The following PSG8 variants were observed in gnomAD, a reference collection of about 807,000 sequenced individuals.
The protein encoded by PSG8 is pregnancy-specific beta-1-glycoprotein 8.
Under a neutral mutation model 42.5 loss-of-function variants are expected in PSG8, and 57 were observed. The ratio of observed to expected loss-of-function variants is 1.34; its 90% CI spans 1.08 to 1.67. PSG8 has a LOEUF of 1.67. Ranked by LOEUF, PSG8 falls within the 40% of genes most tolerant of loss-of-function variation. The pLI is 0.00. For synonymous variants in PSG8, 280 were observed against 196.8 expected (o/e 1.42, Z -3.54); for missense variants, 783 against 518.6 (o/e 1.51, Z -4.95).
intron 2 of PSG8, among the ~76,000 whole-genome samples, chr19:42,760,368 A>G (rs1374097573): frequency 3.3e-5 from 5 of 152,186 alleles, no homozygotes; most frequent in South Asian, 4.1e-4. Flanking sequence ...CAGCCTTTGT[A>G]GTTGTCCCAC....
chr19:42,758,472 T>C, intron 2 of PSG8, 192 bp from the exon 3 acceptor site: 1 of 1,231,720 alleles, frequency 8.1e-7, no homozygotes, highest in Non-Finnish European at 1.1e-6. Context: ...GCCTGCTTCA[T>C]GTAGAAACAC....
At chr19:42,753,603 C>A (rs549242246), downstream of PSG8, among the ~76,000 whole-genome samples, 1 of 152,130 alleles carries the variant, frequency 6.6e-6, no homozygotes, top group Non-Finnish European at 1.5e-5. Flanking sequence ...ACCGTGTAGG[C>A]TCTCTTTTAA....
intron 2 of PSG8, chr19:42,758,622 C>T: frequency 2.8e-6 from 1 of 358,298 alleles, no homozygotes; most frequent in Non-Finnish European, 5.1e-6. Flanking sequence ...TCACTTGGAG[C>T]ATGCAGTGCT....
chr19:42,763,577 C>G (rs1443081049), intron 2 of PSG8: 1 of 381,376 alleles, frequency 2.6e-6, no homozygotes, highest in Non-Finnish European at 4.8e-6. Context: ...AGGGGCTCCT[C>G]AGGCCAAGCC....
intron 2 of PSG8, among the ~76,000 whole-genome samples, chr19:42,762,838 G>A (rs1970112110): frequency 6.6e-6 from 1 of 152,086 alleles, no homozygotes; most frequent in African/African-American, 2.4e-5. Context: ...AAGAAGAGAG[G>A]TTTTGAGCCA....
At chr19:42,761,075 GA>G (rs1012119465) in intron 2 of PSG8, among the ~76,000 whole-genome samples, 1 of 152,078 alleles carries the variant, frequency 6.6e-6, no homozygotes, top group Non-Finnish European at 1.5e-5. Flanking sequence ...GGGCTTTGGG[GA>G]CTGCAGGCCT....
rs543391467 is a variant in PSG8 at position 42,755,163 on chromosome 19, G to A, written c.813C>T (p.Tyr271=). The A allele has an allele frequency of 6.1e-5, 99 of 1,611,902 alleles. No homozygotes were observed. The highest frequency in any genetic ancestry group is 8.9e-5 in the East Asian group (4 of 44,882). ...GGCTCTGACCATTTAGCCACCAAAT[G>A]TAGGTGTAGTTCTCACTCTTAGGTT... The part of the protein sequence containing the change: ...TCEPKSENYT[Y]IWWLNGQSLP... Residue 271 remains tyrosine, a synonymous_variant, in exon 4 of 5, where the codon TAC becomes TAT. Coordinates refer to ENST00000306511, the MANE Select transcript of PSG8 (RefSeq NM_182707.3).
At chr19:42,758,363 C>T in intron 2 of PSG8, 83 bp from the exon 3 acceptor site, 2 of 1,556,094 alleles carry the variant, frequency 1.3e-6, no homozygotes, top group East Asian at 2.2e-5. Context: ...GTTGGCATTT[C>T]CCACCTCTCA....
chr19:42,762,175 G>A (rs1160209901), intron 2 of PSG8, among the ~76,000 whole-genome samples: 1 of 151,834 alleles, frequency 6.6e-6, no homozygotes, highest in Non-Finnish European at 1.5e-5. Flanking sequence ...GGAAGAAGCT[G>A]TGCAGGACAG....
At chr19:42,763,310 C>G (rs958030685) in intron 2 of PSG8, among the ~76,000 whole-genome samples, 3 of 152,154 alleles carry the variant, frequency 2.0e-5, no homozygotes, top group Admixed American at 2.0e-4. Context: ...GTCTTTCTGT[C>G]CTCTCCACTC....
chr19:42,754,779 T>C (rs1969874165), intron 4 of PSG8, 192 bp from the exon 5 acceptor site: 1 of 1,411,576 alleles, frequency 7.1e-7, no homozygotes, highest in Admixed American at 2.7e-5. Flanking sequence ...GGGCCCCAAG[T>C]CTCCCATGAC....
Position 42,758,961 on chromosome 19 carries a change from C to T in PSG8, c.431-681G>A, listed in dbSNP as rs970066294. On this transcript the variant is annotated intron_variant, in intron 2 of 4. Transcript: ENST00000306511. Reference sequence around the variant, plus strand: ...AATGACCTACAGAGAGTGAAGGGGACAGGCAAGAACTGATAGCTTTGGACC... The same window carrying T: ...AATGACCTACAGAGAGTGAAGGGGATAGGCAAGAACTGATAGCTTTGGACC... 1.8e-4 allele frequency: 28 copies of T among 154,074 alleles called. No homozygotes were observed. In the South Asian group the frequency reaches 5.5e-3, roughly 30 times the overall value. 9.5% of individuals were successfully genotyped at this position (154,074 alleles called of 1,614,324 possible). A position where few individuals can be genotyped will look rare whatever the true frequency, so the allele number is the denominator to read the frequency against.
At chr19:42,764,879 T>C (rs1001954257) in intron 1 of PSG8, among the ~76,000 whole-genome samples, 1 of 148,386 alleles carries the variant, frequency 6.7e-6, no homozygotes, top group Non-Finnish European at 1.5e-5. Flanking sequence ...GCCCTTGGTG[T>C]TTTTTTTTCC....
chr19:42,758,715 T>C (rs1410318990), intron 2 of PSG8: 1 of 202,948 alleles, frequency 4.9e-6, no homozygotes, highest in African/African-American at 2.3e-5. Context: ...ATCCTAGAGA[T>C]GGGTGATGGA....
At chr19:42,754,146 A>G, downstream of PSG8, 1 of 1,421,492 alleles carries the variant, frequency 7.0e-7, no homozygotes, top group Non-Finnish European at 9.5e-7. Context: ...TTTTATGAAG[A>G]TATCAGCCTG....
downstream of PSG8, chr19:42,753,287 G>T (rs80050376): frequency 0.056 from 44,004 of 779,800 alleles, 1,807 homozygotes; most frequent in Middle Eastern, 0.12. Context: ...AGCTTATAGG[G>T]CTTCTGGAAC....
At chr19:42,760,250 G>T (rs1970039166) in intron 2 of PSG8, among the ~76,000 whole-genome samples, 2 of 152,062 alleles carry the variant, frequency 1.3e-5, no homozygotes, top group Non-Finnish European at 2.9e-5. Context: ...GCATCAACAT[G>T]AGGAAACAGT....
At chr19:42,753,296 A>T, downstream of PSG8, 1 of 780,320 alleles carries the variant, frequency 1.3e-6, no homozygotes, top group Non-Finnish European at 2.4e-6. Context: ...GGCTTCTGGA[A>T]CAGAGTGGGT....
chr19:42,753,898 G>A (rs574090329), downstream of PSG8: 43 of 503,492 alleles, frequency 8.5e-5, no homozygotes, highest in Middle Eastern at 4.3e-3. Context: ...CCAATTCTGG[G>A]GCAGTCAGGT....
Sources: gnomAD v4.1 joint callset for allele counts (sites outside exome capture counted in the v4.1 genomes callset) on GRCh38, gnomAD v4.1.1 for gene constraint, MANE v1.5 for transcripts, NCBI Gene and HGNC (gene_info 2026-07-23, HGNC 2026-07-21) for gene names.